ARMC2: variants seen among roughly 807,000 people sequenced by gnomAD.
The protein encoded by ARMC2 is armadillo repeat containing 2.
Under a neutral mutation model 90.3 loss-of-function variants are expected in ARMC2, and 67 were observed. The observed-to-expected ratio is 0.74, with a 90% CI of 0.61 to 0.91. ARMC2 has a LOEUF of 0.91. Among genes scored for constraint, ARMC2 ranks in the 40% least tolerant of loss-of-function variants. The probability of loss-of-function intolerance (pLI) is 0.00; values close to 1 mark genes in which losing one functional copy is unlikely to be tolerated. For synonymous variants in ARMC2, 393 were observed against 393.0 expected, an observed-to-expected ratio of 1.00 and a Z score of 0.00; for missense variants, 920 against 1,030.9, an observed-to-expected ratio of 0.89 and a Z score of 1.47.
chr6:108,917,200 G>A (rs767569559), intron 10 of ARMC2, among the ~76,000 whole-genome samples: 2 of 152,038 alleles, frequency 1.3e-5, no homozygotes, highest in African/African-American at 2.4e-5. Context: ...AGTTAGAACT[G>A]TTCTGCAGCA....
intron 3 of ARMC2, among the ~76,000 whole-genome samples, chr6:108,859,926 C>T (rs777147224): frequency 3.3e-5 from 5 of 151,464 alleles, no homozygotes; most frequent in Non-Finnish European, 7.4e-5. Flanking sequence ...ATTGCTTGAA[C>T]TCGGGAGATG....
downstream of ARMC2, among the ~76,000 whole-genome samples, chr6:108,978,013 A>C (rs141169994): frequency 4.5e-4 from 69 of 151,958 alleles, 1 homozygote; most frequent in East Asian, 0.013. Context: ...TTCTGCTCTG[A>C]TGTTAGTTAT....
chr6:108,972,094 G>C (rs751701814), intron 17 of ARMC2, among the ~76,000 whole-genome samples: 7 of 152,156 alleles, frequency 4.6e-5, no homozygotes, highest in Admixed American at 2.6e-4. Context: ...CAGAGTGTGA[G>C]GCTCAACATC....
At chr6:108,859,012 T>C (rs764748021) in intron 3 of ARMC2, among the ~76,000 whole-genome samples, 2 of 152,252 alleles carry the variant, frequency 1.3e-5, no homozygotes, top group Non-Finnish European at 2.9e-5. Flanking sequence ...GTTAGATCTG[T>C]TTTCTCTGAC....
chr6:109,022,677 G>A, the ARMC2 span, among the ~76,000 whole-genome samples: 2 of 151,874 alleles, frequency 1.3e-5, no homozygotes, highest in African/African-American at 4.8e-5. Flanking sequence ...GCCTCCCAAA[G>A]TGCTGGGATT....
chr6:108,932,831 A>G (rs555368197), intron 11 of ARMC2, among the ~76,000 whole-genome samples: 51 of 152,030 alleles, frequency 3.4e-4, no homozygotes, highest in African/African-American at 1.2e-3. Flanking sequence ...CCCGGCCTCC[A>G]TTGCTTGTTT....
chr6:109,017,847 T>C, the ARMC2 span, among the ~76,000 whole-genome samples: 1 of 152,166 alleles, frequency 6.6e-6, no homozygotes, highest in Non-Finnish European at 1.5e-5. Flanking sequence ...CAAACTTTAT[T>C]TCAGCTCTAA....
At chr6:108,984,966 C>G in the ARMC2 span, among the ~76,000 whole-genome samples, 1 of 152,166 alleles carries the variant, frequency 6.6e-6, no homozygotes, top group Non-Finnish European at 1.5e-5. Context: ...CTCAGCGTCT[C>G]TGGGAGAATG....
the ARMC2 span, chr6:109,009,312 C>T: frequency 7.0e-7 from 1 of 1,438,246 alleles, no homozygotes; most frequent in Non-Finnish European, 9.1e-7. Flanking sequence ...GCCGGGTGCC[C>T]ACCCGCCCAG....
At chr6:108,999,505 C>T in the ARMC2 span, among the ~76,000 whole-genome samples, 1 of 152,140 alleles carries the variant, frequency 6.6e-6, no homozygotes, top group East Asian at 1.9e-4. Context: ...TCTATTATCT[C>T]TATTAATAAA....
At chr6:108,893,596 A>C (rs1771312017) in intron 5 of ARMC2, among the ~76,000 whole-genome samples, 3 of 152,228 alleles carry the variant, frequency 2.0e-5, no homozygotes, top group South Asian at 2.1e-4. Context: ...TCCTTAACCA[A>C]TTTTGTTTTG....
chr6:109,051,354 G>C, the ARMC2 span, among the ~76,000 whole-genome samples: 1 of 152,112 alleles, frequency 6.6e-6, no homozygotes, highest in African/African-American at 2.4e-5. Context: ...CTACTTCAGT[G>C]AAAAATGTAA....
intron 5 of ARMC2, among the ~76,000 whole-genome samples, chr6:108,884,773 G>A (rs1043629841): frequency 3.3e-5 from 5 of 152,156 alleles, no homozygotes; most frequent in South Asian, 2.1e-4. Flanking sequence ...GGTGACTTTC[G>A]CTGTCAGTTA....
intron 15 of ARMC2, among the ~76,000 whole-genome samples, chr6:108,962,633 G>A (rs1778077978): frequency 6.6e-6 from 1 of 152,156 alleles, no homozygotes; most frequent in South Asian, 2.1e-4. Context: ...TTCTGCATTG[G>A]TATTGCTTCT....
the ARMC2 span, among the ~76,000 whole-genome samples, chr6:109,049,174 AC>A: frequency 6.6e-6 from 1 of 152,218 alleles, no homozygotes; most frequent in Non-Finnish European, 1.5e-5. Context: ...TGTGTTATAT[AC>A]ACACAATGGA....
Position 108,900,041 on chromosome 6 carries a change from C to T in ARMC2, c.847+249C>T, listed in dbSNP as rs561250399. Among the ~76,000 whole-genome samples the T allele has an allele frequency of 2.6e-5, 4 of 152,204 alleles. No individual in the cohort carries two copies. In the East Asian group the frequency reaches 7.7e-4, roughly 29 times the overall value. ...AAGAGAGCCAATTTCTAAAACTTCC[C>T]TTTGTAATATAAATTAATTAGCATT... is the stretch of plus-strand genomic sequence containing the variant. On this transcript the variant is annotated intron_variant, in intron 7 of 17. Coordinates refer to ENST00000392644, the MANE Select transcript of ARMC2 (RefSeq NM_032131.6).
intron 10 of ARMC2, among the ~76,000 whole-genome samples, chr6:108,925,352 A>C (rs1454958043): frequency 6.6e-6 from 1 of 152,182 alleles, no homozygotes; most frequent in Non-Finnish European, 1.5e-5. Context: ...CATTCATTCC[A>C]TTAATAAATG....
chr6:109,004,527 C>CCTGGGT, the ARMC2 span, among the ~76,000 whole-genome samples: 2 of 151,646 alleles, frequency 1.3e-5, no homozygotes, highest in Admixed American at 1.3e-4. Context: ...GCCTCTGCCT[C>CCTGGGT]CTGGGTTCAA....
chr6:108,954,553 A>T (rs1383664014), intron 13 of ARMC2, among the ~76,000 whole-genome samples: 1 of 152,108 alleles, frequency 6.6e-6, no homozygotes, highest in Non-Finnish European at 1.5e-5. Context: ...AACTCAGGAG[A>T]CGGAGGGCCG....
Sources: gnomAD v4.1 joint callset for allele counts (sites outside exome capture counted in the v4.1 genomes callset) on GRCh38, gnomAD v4.1.1 for gene constraint, MANE v1.5 for transcripts, NCBI Gene and HGNC (gene_info 2026-07-23, HGNC 2026-07-21) for gene names.